Variants in ELAPOR2 observed in about 807,000 individuals in gnomAD.
ELAPOR2 encodes endosome/lysosome-associated apoptosis and autophagy regulator family member 2.
Under a neutral mutation model 120.7 loss-of-function variants are expected in ELAPOR2, and 89 were observed. That is an observed-to-expected ratio of 0.74 (90% confidence interval 0.62 to 0.88). The LOEUF is 0.88. Among genes scored for constraint, ELAPOR2 ranks in the 40% least tolerant of loss-of-function variants. The pLI, the probability that ELAPOR2 is intolerant of heterozygous loss-of-function variation, is 0.00. For missense variants in ELAPOR2, 1,134 were observed against 1,251.6 expected (o/e 0.91, Z 1.42); for synonymous variants, 444 against 444.9 (o/e 1.00, Z 0.03).
intron 21 of ELAPOR2, among the ~76,000 whole-genome samples, chr7:86,889,021 C>T (rs1288612254): frequency 1.3e-5 from 2 of 152,034 alleles, no homozygotes; most frequent in Non-Finnish European, 2.9e-5. Flanking sequence ...CATAAGAGAT[C>T]TTCAACTGTT....
chr7:86,930,025 C>T (rs1185234545), intron 8 of ELAPOR2, among the ~76,000 whole-genome samples: 2 of 151,956 alleles, frequency 1.3e-5, no homozygotes, highest in African/African-American at 4.8e-5. Flanking sequence ...TATCTGGTCT[C>T]AGGTACTTCT....
chr7:86,982,951 T>A (rs1792562043), intron 1 of ELAPOR2, among the ~76,000 whole-genome samples: 1 of 152,038 alleles, frequency 6.6e-6, no homozygotes, highest in Non-Finnish European at 1.5e-5. Flanking sequence ...AAAGATTAGA[T>A]GAATGGCGAA....
chr7:86,908,573 G>T, intron 16 of ELAPOR2, 30 bp from the exon 17 acceptor site: 2 of 1,021,472 alleles, frequency 2.0e-6, no homozygotes, highest in Non-Finnish European at 1.5e-6. Context: ...AAACTATTAA[G>T]CAATATGGAA....
Position 86,947,846 on chromosome 7 carries a change from G to A in ELAPOR2, c.387C>T (p.Ser129=). Residue 129 remains serine, a synonymous_variant, in exon 3 of 22, where the codon TCC becomes TCT. Coordinates refer to ENST00000450689, the MANE Select transcript of ELAPOR2 (RefSeq NM_001142749.3). ...CATCAAATTTGATGCCACTGCCCAA[G>A]GAATAGGTGCCTTCACCACACTTAC... ...VCSKCGEGTY[S]LGSGIKFDEW... 1 of 1,552,078 alleles carries A rather than the reference G, an allele frequency of 6.4e-7. No individual in the cohort carries two copies. Among genetic ancestry groups the A allele is most frequent in the Non-Finnish European group, 8.7e-7 (1 of 1,147,050 alleles).
intron 8 of ELAPOR2, among the ~76,000 whole-genome samples, chr7:86,927,486 C>T (rs983248940): frequency 6.6e-6 from 1 of 151,910 alleles, no homozygotes; most frequent in Admixed American, 6.6e-5. Context: ...AATGTTTACC[C>T]CAGAGGCTTC....
At chr7:86,919,593 C>A (rs180718013) in intron 10 of ELAPOR2, 2 of 243,352 alleles carry the variant, frequency 8.2e-6, no homozygotes, top group Non-Finnish European at 1.6e-5. Flanking sequence ...AACAGATGGT[C>A]TCTATCTACT....
intron 10 of ELAPOR2, among the ~76,000 whole-genome samples, 173 bp downstream of exon 10, chr7:86,925,355 G>A (rs1430740942): frequency 6.6e-6 from 1 of 151,880 alleles, no homozygotes; most frequent in Non-Finnish European, 1.5e-5. Flanking sequence ...ATGTCACCTG[G>A]CTGTGACACC....
At chr7:87,045,685 C>G (rs1481789900) in intron 1 of ELAPOR2, among the ~76,000 whole-genome samples, 1 of 151,476 alleles carries the variant, frequency 6.6e-6, no homozygotes, top group East Asian at 1.9e-4. Context: ...GTGCAGCGCA[C>G]CAGCATGGCA....
intron 1 of ELAPOR2, among the ~76,000 whole-genome samples, chr7:86,965,315 G>T (rs2116484788): frequency 6.6e-6 from 1 of 152,260 alleles, no homozygotes; most frequent in Non-Finnish European, 1.5e-5. Flanking sequence ...CCTATCTCTT[G>T]CAGGCTTTTT....
At position 86,913,107 on chromosome 7, in the gene ELAPOR2, C is replaced by G; in HGVS notation, c.1829G>C (p.Gly610Ala). ...VASSCRACAL[G>A]SEQSGSSCVP... ...ACACGATGAACCCGACTGTTCAGAACCGAGGGCACAGGCACGGCATGAGGA... is the reference window on the plus strand; with the variant it reads ...ACACGATGAACCCGACTGTTCAGAAGCGAGGGCACAGGCACGGCATGAGGA... The change falls in exon 14 of 22, where the codon GGT becomes GCT. Residue 610 changes from glycine to alanine, a missense_variant. Physicochemically the swap from Gly to Ala is moderately conservative, Grantham distance 60 (BLOSUM62 0). Coordinates refer to ENST00000450689, the MANE Select transcript of ELAPOR2 (RefSeq NM_001142749.3). 6.2e-7 allele frequency: 1 copy of G among 1,614,038 alleles called. No individual in the cohort carries two copies. The highest frequency in any genetic ancestry group is 8.5e-7 in the Non-Finnish European group (1 of 1,179,992).
At chr7:86,911,920 C>A in intron 15 of ELAPOR2, 152 bp downstream of exon 15, 1 of 775,684 alleles carries the variant, frequency 1.3e-6, no homozygotes, top group African/African-American at 1.7e-5. Flanking sequence ...TGCCAATATT[C>A]TAGGCAGCAA....
intron 21 of ELAPOR2, among the ~76,000 whole-genome samples, chr7:86,884,286 C>T (rs867038591): frequency 6.6e-6 from 1 of 152,142 alleles, no homozygotes; most frequent in Non-Finnish European, 1.5e-5. Flanking sequence ...CACAGTTCAC[C>T]TGCCTCAACA....
chr7:86,946,450 G>A (rs1485452020), intron 3 of ELAPOR2, among the ~76,000 whole-genome samples: 5 of 152,110 alleles, frequency 3.3e-5, no homozygotes, highest in South Asian at 2.1e-4. Flanking sequence ...GCAATGGTGC[G>A]ATCTCAGCTC....
chr7:87,055,587 C>A (rs71562739), intron 1 of ELAPOR2, among the ~76,000 whole-genome samples: 18,856 of 152,056 alleles, frequency 0.12, 1,316 homozygotes, highest in East Asian at 0.3. Context: ...CTAGCCTACA[C>A]TCACATCTGA....
chr7:86,907,513 C>T (rs1468275563), intron 18 of ELAPOR2, among the ~76,000 whole-genome samples, 157 bp downstream of exon 18: 1 of 148,640 alleles, frequency 6.7e-6, no homozygotes, highest in East Asian at 1.9e-4. Context: ...TCTCTTAATA[C>T]ACACTCAGCA....
intron 1 of ELAPOR2, among the ~76,000 whole-genome samples, chr7:87,045,812 ATAAAAG>A (rs1274056352): frequency 2.6e-5 from 4 of 151,910 alleles, no homozygotes; most frequent in Non-Finnish European, 4.4e-5. Flanking sequence ...CCTCAACGTA[ATAAAAG>A]CCATATAAAA....
chr7:86,993,090 G>A (rs896177129), intron 1 of ELAPOR2, among the ~76,000 whole-genome samples: 5 of 152,000 alleles, frequency 3.3e-5, no homozygotes, highest in African/African-American at 9.7e-5. Flanking sequence ...ACAAAAATTA[G>A]CTGGGCGTGG....
At chr7:86,909,159 G>A (rs893941700) in intron 16 of ELAPOR2, among the ~76,000 whole-genome samples, 5 of 152,000 alleles carry the variant, frequency 3.3e-5, no homozygotes, top group African/African-American at 4.8e-5. Context: ...GGTGCTGAAA[G>A]TCAATGCTAA....
intron 21 of ELAPOR2, among the ~76,000 whole-genome samples, chr7:86,885,223 C>A (rs1031413620): frequency 3.9e-5 from 6 of 152,102 alleles, no homozygotes; most frequent in Non-Finnish European, 8.8e-5. Flanking sequence ...CTCCAATATG[C>A]AAGTCAAGTA....
Sources: gnomAD v4.1 joint callset for allele counts (sites outside exome capture counted in the v4.1 genomes callset) on GRCh38, gnomAD v4.1.1 for gene constraint, MANE v1.5 for transcripts, NCBI Gene and HGNC (gene_info 2026-07-23, HGNC 2026-07-21) for gene names.